SGIP1: variants seen among roughly 807,000 people sequenced by gnomAD.
SGIP1 encodes SH3GL interacting endocytic adaptor 1, also known as SH3-containing GRB2-like protein 3-interacting protein 1.
In SGIP1, 38 loss-of-function variants were observed where a neutral mutation model predicts 107.5. The observed-to-expected ratio is 0.35, with a 90% CI of 0.27 to 0.46. The LOEUF is 0.46. SGIP1 is among the 20% of genes least tolerant of loss of function. The pLI, the probability that SGIP1 is intolerant of heterozygous loss-of-function variation, is 1.00. For missense variants in SGIP1, 929 were observed against 1,019.5 expected (o/e 0.91, Z 1.21); for synonymous variants, 365 against 366.1 (o/e 1.00, Z 0.03).
chr1:66,624,003 C>A (rs2071941204), intron 1 of SGIP1, among the ~76,000 whole-genome samples: 2 of 152,170 alleles, frequency 1.3e-5, no homozygotes, highest in South Asian at 4.1e-4. Context: ...CAATTTAATA[C>A]AAAGAGTACT....
Position 66,744,119 on chromosome 1 carries a change from A to C in SGIP1, c.*1024A>C, listed in dbSNP as rs2094522117. 6.6e-6 allele frequency: 1 copy of C among 152,224 alleles called. No individual in the cohort carries two copies. The highest frequency in any genetic ancestry group is 1.9e-4 in the East Asian group (1 of 5,188). The allele number at this position is 152,224 out of a possible 1,614,324, so 9.4% of individuals were successfully genotyped here. ...TCAAAACGCTGAGACTGAGAATTTT[A>C]GGGAAAAAAAAGTCCACTGTTTAGA... On this transcript the variant is annotated 3_prime_UTR_variant, in exon 25 of 25. Coordinates refer to ENST00000371037, the MANE Select transcript of SGIP1 (RefSeq NM_032291.4).
chr1:66,598,296 T>C (rs541330230), intron 1 of SGIP1, among the ~76,000 whole-genome samples: 97 of 152,164 alleles, frequency 6.4e-4, no homozygotes, highest in Non-Finnish European at 1.1e-3. Flanking sequence ...AAGAGATAAT[T>C]CATCTACTTC....
chr1:66,734,411 T>C (rs1457639201), intron 21 of SGIP1, among the ~76,000 whole-genome samples: 2 of 152,120 alleles, frequency 1.3e-5, no homozygotes, highest in East Asian at 1.9e-4. Flanking sequence ...CAAATTATTA[T>C]TGATATACTA....
At chr1:66,538,183 A>C (rs1327376369) in intron 1 of SGIP1, among the ~76,000 whole-genome samples, 1 of 152,152 alleles carries the variant, frequency 6.6e-6, no homozygotes, top group Admixed American at 6.5e-5. Context: ...GTTTTACTAA[A>C]ATAACATTTG....
chr1:66,614,866 C>T (rs1348499838), intron 1 of SGIP1, among the ~76,000 whole-genome samples: 2 of 122,188 alleles, frequency 1.6e-5, no homozygotes, highest in Non-Finnish European at 3.2e-5. Flanking sequence ...GTCACCCAGG[C>T]TGGAGTGCAG....
At chr1:66,580,150 T>A (rs1466215753) in intron 1 of SGIP1, among the ~76,000 whole-genome samples, 2 of 152,080 alleles carry the variant, frequency 1.3e-5, no homozygotes, top group Admixed American at 6.6e-5. Context: ...GCAGATCATG[T>A]CACATATTTT....
chr1:66,726,275 C>A (rs2093752575), intron 19 of SGIP1, among the ~76,000 whole-genome samples: 1 of 151,950 alleles, frequency 6.6e-6, no homozygotes, highest in Non-Finnish European at 1.5e-5. Context: ...TTCCTGCAGG[C>A]AAAGAGAAAA....
chr1:66,748,821 T>A lies in SGIP1; in HGVS notation c.*5726T>A, dbSNP rs756742897. Among the ~76,000 whole-genome samples the A allele has an allele frequency of 2.0e-5, 3 of 152,036 alleles. No homozygotes were observed. ...GAGAACAAATGGTCCTATACTATAA[T>A]TCTCTCTCCTTGGACATTGACAATA... On this transcript the variant is annotated 3_prime_UTR_variant, in exon 25 of 25. Coordinates refer to ENST00000371037, the MANE Select transcript of SGIP1 (RefSeq NM_032291.4).
At chr1:66,564,116 A>C (rs1186939893) in intron 1 of SGIP1, among the ~76,000 whole-genome samples, 4 of 151,984 alleles carry the variant, frequency 2.6e-5, no homozygotes, top group Admixed American at 2.6e-4. Context: ...AAAACATCTT[A>C]ATCTTCCCCT....
chr1:66,673,095 A>G (rs753154911), intron 11 of SGIP1, among the ~76,000 whole-genome samples, 186 bp from the exon 12 acceptor site: 2 of 152,204 alleles, frequency 1.3e-5, no homozygotes, highest in Non-Finnish European at 2.9e-5. Context: ...CTTTTGTCCC[A>G]TAATACATCT....
intron 1 of SGIP1, among the ~76,000 whole-genome samples, chr1:66,608,315 G>A (rs547177966): frequency 6.6e-6 from 1 of 152,176 alleles, no homozygotes; most frequent in African/African-American, 2.4e-5. Context: ...TTATTTTCTG[G>A]GAGATTAAGA....
At chr1:66,635,778 C>T (rs1377031686) in intron 3 of SGIP1, among the ~76,000 whole-genome samples, 166 bp from the exon 4 acceptor site, 1 of 152,176 alleles carries the variant, frequency 6.6e-6, no homozygotes, top group African/African-American at 2.4e-5. Context: ...CCAAAGTCCA[C>T]TCTTTGCTTA....
chr1:66,663,751 G>T (rs1044862831), intron 8 of SGIP1, among the ~76,000 whole-genome samples: 2 of 151,830 alleles, frequency 1.3e-5, no homozygotes, highest in African/African-American at 4.8e-5. Flanking sequence ...TATATTACAA[G>T]GTTGTCTTTT....
intron 2 of SGIP1, among the ~76,000 whole-genome samples, chr1:66,632,492 CGGCTG>C (rs1431609837): frequency 2.6e-5 from 4 of 152,146 alleles, no homozygotes; most frequent in Non-Finnish European, 5.9e-5. Flanking sequence ...AAAGATAAAA[CGGCTG>C]GGCTCAGTGA....
intron 1 of SGIP1, among the ~76,000 whole-genome samples, chr1:66,557,389 G>A (rs2058338945): frequency 6.6e-6 from 1 of 152,142 alleles, no homozygotes; most frequent in South Asian, 2.1e-4. Context: ...AATTGGATGT[G>A]ATGCTTGAAA....
chr1:66,574,665 T>C (rs1363341452), intron 1 of SGIP1, among the ~76,000 whole-genome samples: 3 of 152,308 alleles, frequency 2.0e-5, no homozygotes, highest in Non-Finnish European at 2.9e-5. Context: ...AAATCTATCC[T>C]TGTTACTTCC....
At chr1:66,643,003 G>A (rs188453878) in intron 6 of SGIP1, 139 bp downstream of exon 6, 5 of 724,876 alleles carry the variant, frequency 6.9e-6, no homozygotes, top group East Asian at 2.7e-5. Flanking sequence ...TGAATAAACA[G>A]CACTGAGAAC....
chr1:66,599,371 A>C (rs767786481), intron 1 of SGIP1, among the ~76,000 whole-genome samples: 9 of 151,964 alleles, frequency 5.9e-5, no homozygotes, highest in Non-Finnish European at 7.4e-5. Flanking sequence ...AGATTTACAG[A>C]GTTTTAGTGA....
At chr1:66,593,003 CA>C (rs1318972110) in intron 1 of SGIP1, among the ~76,000 whole-genome samples, 4 of 145,042 alleles carry the variant, frequency 2.8e-5, no homozygotes, top group Admixed American at 7.1e-5. Flanking sequence ...CTTTGCCTCC[CA>C]AAGTGCTAAG....
Sources: allele counts gnomAD v4.1 joint callset (sites outside exome capture counted in the v4.1 genomes callset), GRCh38; gene constraint gnomAD v4.1.1; transcripts MANE v1.5; gene names NCBI Gene and HGNC (gene_info 2026-07-23, HGNC 2026-07-21).